The following TXK variants were observed in gnomAD, a reference collection of about 807,000 sequenced individuals.
The protein encoded by TXK is tyrosine-protein kinase TXK.
A neutral mutation model predicts 81.0 loss-of-function variants in TXK; 60 were observed. That is an observed-to-expected ratio of 0.74 (90% confidence interval 0.60 to 0.92). TXK has a LOEUF of 0.92. Ranked by LOEUF, TXK falls within the 40% of genes least tolerant of loss-of-function variation. The pLI, the probability that TXK is intolerant of heterozygous loss-of-function variation, is 0.00. For synonymous variants in TXK, 203 were observed against 210.7 expected, an observed-to-expected ratio of 0.96 and a Z score of 0.32; for missense variants, 581 against 638.3, an observed-to-expected ratio of 0.91 and a Z score of 0.97.
intron 11 of TXK, among the ~76,000 whole-genome samples, chr4:48,077,615 C>A (rs1200886146): frequency 1.3e-5 from 2 of 152,066 alleles, no homozygotes; most frequent in East Asian, 3.9e-4. Flanking sequence ...AAAGACAAAC[C>A]TGCAGAGACT....
intron 1 of TXK, among the ~76,000 whole-genome samples, chr4:48,124,570 T>TC (rs1298920930): frequency 6.6e-6 from 1 of 152,088 alleles, no homozygotes; most frequent in African/African-American, 2.4e-5. Context: ...CTTCTTTTTT[T>TC]CCACTCATTC....
At chr4:48,103,358 G>A (rs568862107) in intron 6 of TXK, among the ~76,000 whole-genome samples, 1 of 152,204 alleles carries the variant, frequency 6.6e-6, no homozygotes, top group African/African-American at 2.4e-5. Context: ...CATTTGCTGT[G>A]ACCATACCAG....
At chr4:48,106,211 G>A (rs1718453842) in intron 5 of TXK, 1 of 152,052 alleles carries the variant, frequency 6.6e-6, no homozygotes, top group East Asian at 1.9e-4. Context: ...TTTTTAAGAA[G>A]GTTTTAAACT....
chr4:48,131,733 A>G (rs770354316), intron 1 of TXK, among the ~76,000 whole-genome samples: 6 of 152,232 alleles, frequency 3.9e-5, no homozygotes, highest in Admixed American at 6.5e-5. Flanking sequence ...CCTTGTCTCA[A>G]CACTCACAGT....
At chr4:48,103,082 T>C (rs962474588) in intron 6 of TXK, among the ~76,000 whole-genome samples, 12 of 152,228 alleles carry the variant, frequency 7.9e-5, no homozygotes, top group African/African-American at 2.4e-4. Flanking sequence ...AGTTTTAATA[T>C]TTGCCATATC....
At chr4:48,077,587 C>A (rs372146002) in intron 11 of TXK, among the ~76,000 whole-genome samples, 11 of 152,068 alleles carry the variant, frequency 7.2e-5, no homozygotes, top group African/African-American at 2.6e-4. Context: ...CCGGAACTTT[C>A]ACCCAATTGT....
chr4:48,128,400 G>C (rs1348764333), intron 1 of TXK, among the ~76,000 whole-genome samples: 7 of 152,048 alleles, frequency 4.6e-5, no homozygotes, highest in Admixed American at 4.6e-4. Context: ...GTGGTGAGTG[G>C]GGAAAGCCTT....
chr4:48,080,662 TCACA>T (rs57819050), intron 10 of TXK, among the ~76,000 whole-genome samples: 46,149 of 144,530 alleles, frequency 0.32, 7,779 homozygotes, highest in Non-Finnish European at 0.39. Context: ...TATTTGGTAA[TCACA>T]CACACACACA....
chr4:48,110,216 T>C (rs1718590308), intron 5 of TXK, among the ~76,000 whole-genome samples: 1 of 152,202 alleles, frequency 6.6e-6, no homozygotes, highest in South Asian at 2.1e-4. Context: ...ATGGTTAAGT[T>C]TACCACTCAT....
At position 48,086,220 on chromosome 4, in the gene TXK, T is replaced by C. The variant is rs537622478; in HGVS notation, c.956+246A>G. Among the ~76,000 whole-genome samples the C allele has an allele frequency of 3.6e-4, 55 of 152,244 alleles. 1 individual carries two copies. Among genetic ancestry groups the C allele is most frequent in the Non-Finnish European group, 6.5e-4 (44 of 68,046 alleles). On this transcript the variant is annotated intron_variant, in intron 10 of 14. Coordinates refer to ENST00000264316, the MANE Select transcript of TXK (RefSeq NM_003328.3). ...CTCATCACTTACATAAATTCTCTTA[T>C]TTAATTCACACATTGATCCAGTGAG...
chr4:48,120,753 A>G (rs765163485), intron 1 of TXK, among the ~76,000 whole-genome samples: 4 of 152,100 alleles, frequency 2.6e-5, no homozygotes, highest in Non-Finnish European at 5.9e-5. Context: ...GGCCTCCCAA[A>G]GTCCTGGGAT....
chr4:48,082,711 C>A (rs1423086896), intron 10 of TXK, among the ~76,000 whole-genome samples: 1 of 152,112 alleles, frequency 6.6e-6, no homozygotes, highest in Admixed American at 6.5e-5. Context: ...CCCACCACGC[C>A]CCCTATCCTG....
chr4:48,096,907 C>T (rs1718003418), intron 6 of TXK, among the ~76,000 whole-genome samples: 1 of 152,094 alleles, frequency 6.6e-6, no homozygotes, highest in South Asian at 2.1e-4. Context: ...GGAAACATCA[C>T]ATATTAGCAC....
intron 1 of TXK, among the ~76,000 whole-genome samples, chr4:48,131,059 T>A (rs141996580): frequency 2.9e-4 from 44 of 152,300 alleles, no homozygotes; most frequent in Non-Finnish European, 4.9e-4. Flanking sequence ...GTCCTTTAAA[T>A]AACTCTTCTA....
rs369327272 is a variant in TXK, at chr4:48,095,162, C to T, written c.562G>A (p.Val188Ile). Residue 188 changes from valine (V) to isoleucine (I), a missense_variant, in exon 7 of 15, where the codon GTA becomes ATA. By Grantham distance (29) the Val-to-Ile change is conservative. Coordinates refer to ENST00000264316, the MANE Select transcript of TXK (RefSeq NM_003328.3). ...GCTTACCTTCTAGCTCCCATAAATA[C>T]GGAAATTGTGTAGGATCCTAAATGT... ...SRHLGSYTIS[V>I]FMGARRSTEA... 3.0e-5 allele frequency: 48 copies of T among 1,613,340 alleles called. No individual in the cohort carries two copies. The highest frequency in any genetic ancestry group is 1.7e-4 in the African/African-American group (13 of 74,878).
At chr4:48,119,546 C>T (rs1042019992) in intron 1 of TXK, among the ~76,000 whole-genome samples, 1 of 152,146 alleles carries the variant, frequency 6.6e-6, no homozygotes, top group Admixed American at 6.5e-5. Flanking sequence ...TTCTCTCTTC[C>T]TTTTCTTCCA....
At chr4:48,106,765 G>A (rs1718473179) in intron 5 of TXK, among the ~76,000 whole-genome samples, 1 of 152,084 alleles carries the variant, frequency 6.6e-6, no homozygotes, top group Non-Finnish European at 1.5e-5. Flanking sequence ...TCATGCTTCT[G>A]TAAAGTTCAG....
intron 1 of TXK, among the ~76,000 whole-genome samples, chr4:48,124,263 C>A (rs1001427384): frequency 6.6e-6 from 1 of 152,012 alleles, no homozygotes; most frequent in African/African-American, 2.4e-5. Flanking sequence ...AGCAACATAA[C>A]CCCCTCCCTT....
Position 48,103,000 on chromosome 4 carries a change from A to G in TXK, c.501+1901T>C, listed in dbSNP as rs530851507. ...GATTGCCTCTAGGGAATGAGAGAGG[A>G]CCAAAAAGATGAAGGGGGTGGGCTT... On this transcript the variant is annotated intron_variant, in intron 6 of 14. Transcript: ENST00000264316. Among the ~76,000 whole-genome samples, 4 of 152,342 alleles carry G rather than the reference A, an allele frequency of 2.6e-5. No individual in the cohort carries two copies. The South Asian group carries it at 8.3e-4, about 32-fold the overall frequency.
Sources: allele counts gnomAD v4.1 joint callset (sites outside exome capture counted in the v4.1 genomes callset), GRCh38; gene constraint gnomAD v4.1.1; transcripts MANE v1.5; gene names NCBI Gene and HGNC (gene_info 2026-07-23, HGNC 2026-07-21).